MALRD1: variants seen among roughly 807,000 people sequenced by gnomAD.
The protein encoded by MALRD1 is MAM and LDL receptor class A domain containing 1, also known as MAM and LDL-receptor class A domain-containing protein 1.
In MALRD1, 247 loss-of-function variants were observed where a neutral mutation model predicts 242.1. The ratio of observed to expected loss-of-function variants is 1.02; its 90% CI spans 0.92 to 1.13. MALRD1 has a LOEUF of 1.13. Ranked by LOEUF, MALRD1 falls within the 50% of genes most tolerant of loss-of-function variation. MALRD1 has a pLI of 0.00. For synonymous variants in MALRD1, 995 were observed against 866.6 expected (o/e 1.15, Z -2.60); for missense variants, 2,989 against 2,533.1 (o/e 1.18, Z -3.86).
intron 5 of MALRD1, among the ~76,000 whole-genome samples, chr10:19,105,161 C>G (rs1238502113): frequency 6.6e-6 from 1 of 152,054 alleles, no homozygotes; most frequent in Non-Finnish European, 1.5e-5. Flanking sequence ...TCTATACACA[C>G]ACCGTCCATG....
intron 18 of MALRD1, among the ~76,000 whole-genome samples, chr10:19,217,230 C>CA (rs922087018): frequency 2.0e-5 from 3 of 152,084 alleles, no homozygotes; most frequent in Non-Finnish European, 4.4e-5. Flanking sequence ...GGAATAAAGT[C>CA]AAAATTCCTG....
intron 14 of MALRD1, among the ~76,000 whole-genome samples, chr10:19,180,147 C>G (rs1251163540): frequency 1.3e-5 from 2 of 152,164 alleles, no homozygotes; most frequent in Non-Finnish European, 2.9e-5. Context: ...GGTTTTGAGT[C>G]AAGACAGTGG....
intron 29 of MALRD1, among the ~76,000 whole-genome samples, chr10:19,483,208 A>AG (rs1837090204): frequency 1.5e-4 from 1 of 6,464 alleles, no homozygotes; most frequent in Middle Eastern, 0.025. Flanking sequence ...GAATCCTAGA[A>AG]AAAAAAAAAA....
chr10:19,550,522 G>A (rs558560755), intron 32 of MALRD1, among the ~76,000 whole-genome samples: 31 of 152,148 alleles, frequency 2.0e-4, no homozygotes, highest in African/African-American at 7.2e-4. Flanking sequence ...AGGCCCCAGT[G>A]TGTGTGGGTT....
At chr10:19,571,066 G>C (rs747293332) in intron 33 of MALRD1, among the ~76,000 whole-genome samples, 1 of 152,026 alleles carries the variant, frequency 6.6e-6, no homozygotes, top group Non-Finnish European at 1.5e-5. Flanking sequence ...TGAGTCTTGT[G>C]TTTTTCCAAT....
chr10:19,634,202 A>G (rs548818143), intron 36 of MALRD1, among the ~76,000 whole-genome samples: 16 of 152,178 alleles, frequency 1.1e-4, no homozygotes, highest in Non-Finnish European at 1.9e-4. Flanking sequence ...TGAAATCAAA[A>G]AGTTATTCCT....
intron 29 of MALRD1, among the ~76,000 whole-genome samples, chr10:19,474,364 C>G (rs1836632822): frequency 2.0e-5 from 3 of 152,048 alleles, no homozygotes; most frequent in Admixed American, 2.0e-4. Flanking sequence ...AATGTACATC[C>G]AAAGAGATTT....
At chr10:19,262,885 A>C (rs1307843468) in intron 19 of MALRD1, among the ~76,000 whole-genome samples, 1 of 151,990 alleles carries the variant, frequency 6.6e-6, no homozygotes, top group Non-Finnish European at 1.5e-5. Flanking sequence ...ATCATGCAGT[A>C]TTTGCTTTCT....
chr10:19,423,588 A>G (rs1320602946), intron 28 of MALRD1, among the ~76,000 whole-genome samples: 2 of 152,016 alleles, frequency 1.3e-5, no homozygotes, highest in African/African-American at 4.8e-5. Context: ...CTGAGTGTCT[A>G]TAGAAGAATG....
chr10:19,352,014 T>C lies in MALRD1; in HGVS notation c.4158T>C (p.Phe1386=), dbSNP rs1244174891. Residue 1386 remains phenylalanine (F), a synonymous_variant, in exon 26 of 40, where the codon TTT becomes TTC. Transcript: ENST00000454679. ...CCTATTCTTGATTACAGATTATTTT[T>C]CATTATCACATGTATGGAAATGGCA... The part of the protein sequence containing the change: ...SKRSKNCKII[F]HYHMYGNGIG... 1.3e-6 allele frequency: 2 copies of C among 1,545,838 alleles called. No individual in the cohort carries two copies. Among genetic ancestry groups the C allele is most frequent in the South Asian group, 1.2e-5 (1 of 83,980 alleles).
intron 33 of MALRD1, among the ~76,000 whole-genome samples, chr10:19,591,181 T>G (rs1292008612): frequency 6.6e-6 from 1 of 152,236 alleles, no homozygotes. Flanking sequence ...ATTGGCTTCT[T>G]TCACTTAGTA....
At chr10:19,242,309 C>T (rs1257492114) in intron 18 of MALRD1, among the ~76,000 whole-genome samples, 2 of 152,164 alleles carry the variant, frequency 1.3e-5, no homozygotes, top group African/African-American at 2.4e-5. Flanking sequence ...CCCCATGATT[C>T]AATTATCTCC....
chr10:19,685,201 T>G (rs992289581), intron 36 of MALRD1, among the ~76,000 whole-genome samples: 1 of 152,210 alleles, frequency 6.6e-6, no homozygotes, highest in Non-Finnish European at 1.5e-5. Flanking sequence ...CATGAAGCAA[T>G]TTTTTCATGC....
At chr10:19,315,867 TATAA>T (rs1176945392) in intron 21 of MALRD1, among the ~76,000 whole-genome samples, 9 of 147,636 alleles carry the variant, frequency 6.1e-5, no homozygotes, top group African/African-American at 2.0e-4. Context: ...AATGTTTACT[TATAA>T]ATAGTTATAT....
intron 2 of MALRD1, among the ~76,000 whole-genome samples, chr10:19,078,122 A>T (rs934645718): frequency 1.3e-4 from 19 of 151,340 alleles, no homozygotes; most frequent in Admixed American, 5.9e-4. Context: ...AATTTTTTTT[A>T]TTTTTTTTGA....
chr10:19,327,728 T>A (rs760170555), intron 23 of MALRD1, 55 bp downstream of exon 23: 49 of 1,344,794 alleles, frequency 3.6e-5, no homozygotes, highest in Non-Finnish European at 5.0e-5. Flanking sequence ...TTTTTCATCC[T>A]CATTTATTTC....
intron 26 of MALRD1, among the ~76,000 whole-genome samples, chr10:19,382,545 G>C (rs747317828): frequency 2.6e-5 from 4 of 152,140 alleles, no homozygotes; most frequent in Non-Finnish European, 5.9e-5. Context: ...TTTTATAATA[G>C]AAGTTTTATT....
chr10:19,353,741 G>A (rs1482864607), intron 26 of MALRD1, among the ~76,000 whole-genome samples: 1 of 152,214 alleles, frequency 6.6e-6, no homozygotes, highest in Non-Finnish European at 1.5e-5. Context: ...CTTTCATTCT[G>A]TGTGGGATGT....
intron 19 of MALRD1, among the ~76,000 whole-genome samples, chr10:19,260,717 T>G (rs759361414): frequency 6.6e-5 from 10 of 152,134 alleles, no homozygotes; most frequent in Non-Finnish European, 1.2e-4. Context: ...TGAATAGATG[T>G]TGTATGTGGG....
Sources: gnomAD v4.1 joint callset for allele counts (sites outside exome capture counted in the v4.1 genomes callset) on GRCh38, gnomAD v4.1.1 for gene constraint, MANE v1.5 for transcripts, NCBI Gene and HGNC (gene_info 2026-07-23, HGNC 2026-07-21) for gene names.